GNG12: variants seen among roughly 807,000 people sequenced by gnomAD.
GNG12 encodes guanine nucleotide-binding protein G(I)/G(S)/G(O) subunit gamma-12.
For synonymous variants in GNG12, 28 were observed against 29.7 expected (o/e 0.94, Z 0.19); for missense variants, 69 against 83.8 (o/e 0.82, Z 0.69).
intron 1 of GNG12, among the ~76,000 whole-genome samples, chr1:67,831,605 C>T (rs772775830): frequency 4.6e-5 from 7 of 152,124 alleles, no homozygotes; most frequent in Non-Finnish European, 8.8e-5. Context: ...ATTTTTTGGA[C>T]TTAAACCAGG....
In GNG12 at chr1:67,783,658, C is replaced by T. The variant is rs181468444; in HGVS notation, c.-76-6151G>A. ...ACCCCATCAAAAAGTGGGCGAAGGA[C>T]ATGAACAGACACTTCTCAAAAGAAG... On this transcript the variant is annotated intron_variant, in intron 1 of 3. Transcript: ENST00000370982. Among the ~76,000 whole-genome samples, 74 of 152,264 alleles carry T rather than the reference C, an allele frequency of 4.9e-4. 1 individual carries two copies. The East Asian group carries it at 0.012, about 25-fold the overall frequency.
chr1:67,770,167 G>A lies in GNG12; in HGVS notation c.-27+7291C>T, dbSNP rs542520523. Among the ~76,000 whole-genome samples the A allele has an allele frequency of 2.0e-5, 3 of 152,292 alleles. No homozygotes were observed. The East Asian group carries it at 5.8e-4, about 29-fold the overall frequency. ...ATTATGCAGAAATTTCTAAGAAGAT[G>A]GCTCTAAGACCCAGAAGGAGGACAC... On this transcript the variant is annotated intron_variant, in intron 2 of 3. Transcript: ENST00000370982.
At chr1:67,780,587 G>A (rs1335583449) in intron 1 of GNG12, among the ~76,000 whole-genome samples, 1 of 152,170 alleles carries the variant, frequency 6.6e-6, no homozygotes, top group Non-Finnish European at 1.5e-5. Flanking sequence ...GAATAGCATT[G>A]AAAGGATAGG....
At chr1:67,746,350 A>G (rs1009229681) in intron 2 of GNG12, among the ~76,000 whole-genome samples, 28 of 152,230 alleles carry the variant, frequency 1.8e-4, no homozygotes, top group African/African-American at 6.0e-4. Context: ...AATTTTTTAA[A>G]AAGTCCCCAC....
chr1:67,728,468 G>A (rs2803462), intron 2 of GNG12, among the ~76,000 whole-genome samples: 105,180 of 152,054 alleles, frequency 0.69, 36,431 homozygotes, highest in Admixed American at 0.71. Flanking sequence ...CTTCTCTCTG[G>A]ATAGCCCTCC....
chr1:67,773,155 A>G (rs1388070753), intron 2 of GNG12, among the ~76,000 whole-genome samples: 2 of 152,186 alleles, frequency 1.3e-5, no homozygotes, highest in Admixed American at 6.5e-5. Flanking sequence ...CAAAGTCCCA[A>G]AGGAAATTCT....
chr1:67,752,056 A>C (rs1646541786), intron 2 of GNG12, among the ~76,000 whole-genome samples: 1 of 152,160 alleles, frequency 6.6e-6, no homozygotes, highest in Non-Finnish European at 1.5e-5. Context: ...GCCCCATAGC[A>C]CCTCATAGTT....
chr1:67,716,930 G>C (rs750128459), intron 2 of GNG12, among the ~76,000 whole-genome samples: 8 of 152,202 alleles, frequency 5.3e-5, no homozygotes, highest in Non-Finnish European at 1.0e-4. Flanking sequence ...AAGTTGGCAA[G>C]GATCCATGAG....
chr1:67,787,045 G>GTGTGTGTGTA (rs1646774366), intron 1 of GNG12, among the ~76,000 whole-genome samples: 2 of 148,234 alleles, frequency 1.3e-5, no homozygotes, highest in Non-Finnish European at 3.0e-5. Flanking sequence ...AAGTGTGTGT[G>GTGTGTGTGTA]TGTGTGTGTG....
intron 1 of GNG12, among the ~76,000 whole-genome samples, chr1:67,799,334 C>T (rs554904797): frequency 5.9e-5 from 9 of 152,264 alleles, no homozygotes; most frequent in African/African-American, 1.4e-4. Context: ...ATGGCAGACA[C>T]GTTTATTTGT....
Position 67,791,865 on chromosome 1 carries a change from C to G in GNG12, c.-76-14358G>C, listed in dbSNP as rs143423585. On this transcript the variant is annotated intron_variant, in intron 1 of 3. Coordinates refer to ENST00000370982, the MANE Select transcript of GNG12 (RefSeq NM_018841.6). ...TCAGCATACTTAACACACTTACTCA[C>G]GTCCACTCCTTGGCCCATCAGCAGC... Among the ~76,000 whole-genome samples the G allele has an allele frequency of 1.9e-3, 296 of 152,318 alleles. 2 individuals are homozygous for G. Among genetic ancestry groups the G allele is most frequent in the African/African-American group, 6.9e-3 (288 of 41,568 alleles).
chr1:67,802,835 C>T (rs894818118), intron 1 of GNG12, among the ~76,000 whole-genome samples: 2 of 152,246 alleles, frequency 1.3e-5, no homozygotes, highest in Admixed American at 1.3e-4. Flanking sequence ...GTGTCTCTCT[C>T]TCTCCCTACA....
intron 1 of GNG12, among the ~76,000 whole-genome samples, chr1:67,824,488 T>A (rs564908705): frequency 1.7e-5 from 2 of 120,256 alleles, no homozygotes; most frequent in African/African-American, 6.7e-5. Flanking sequence ...CCAGCCAGGA[T>A]GACAGACTGA....
intron 2 of GNG12, among the ~76,000 whole-genome samples, chr1:67,755,804 C>T (rs1423103242): frequency 6.6e-6 from 1 of 151,984 alleles, no homozygotes; most frequent in Non-Finnish European, 1.5e-5. Context: ...TTTATAATGT[C>T]CTAAGGTCAT....
intron 2 of GNG12, among the ~76,000 whole-genome samples, chr1:67,771,907 C>T (rs1320362149): frequency 6.6e-6 from 1 of 152,128 alleles, no homozygotes; most frequent in Non-Finnish European, 1.5e-5. Context: ...GCCTAAAAAC[C>T]TCAACATATA....
chr1:67,706,573 C>T (rs1362151876), intron 3 of GNG12, among the ~76,000 whole-genome samples: 1 of 152,092 alleles, frequency 6.6e-6, no homozygotes, highest in Non-Finnish European at 1.5e-5. Flanking sequence ...CCCAGATAGC[C>T]TCATGCTGGG....
intron 2 of GNG12, among the ~76,000 whole-genome samples, chr1:67,774,354 T>C (rs1016938915): frequency 1.3e-5 from 2 of 152,224 alleles, no homozygotes; most frequent in African/African-American, 4.8e-5. Context: ...TTTTTCTTAA[T>C]TGCATTATTT....
chr1:67,755,741 T>C (rs1397183199), intron 2 of GNG12, among the ~76,000 whole-genome samples: 2 of 152,136 alleles, frequency 1.3e-5, no homozygotes, highest in African/African-American at 4.8e-5. Context: ...CTCAAAATGT[T>C]TGCTAAAGGA....
intron 2 of GNG12, among the ~76,000 whole-genome samples, chr1:67,718,111 G>A (rs1050195286): frequency 6.6e-6 from 1 of 152,112 alleles, no homozygotes; most frequent in African/African-American, 2.4e-5. Context: ...ATGCAGCCCT[G>A]ACCCTTCACC....
Sources: gnomAD v4.1 joint callset for allele counts (sites outside exome capture counted in the v4.1 genomes callset) on GRCh38, gnomAD v4.1.1 for gene constraint, MANE v1.5 for transcripts, NCBI Gene and HGNC (gene_info 2026-07-23, HGNC 2026-07-21) for gene names.